GPR89B: variants seen among roughly 807,000 people sequenced by gnomAD.
GPR89B encodes the protein golgi pH regulator B, also known as G protein-coupled receptor 89B.
A neutral mutation model predicts 52.4 loss-of-function variants in GPR89B; 25 were observed. The observed-to-expected ratio is 0.48, with a 90% CI of 0.35 to 0.67. GPR89B has a LOEUF of 0.67. GPR89B is among the 30% of genes least tolerant of loss of function. GPR89B has a pLI of 0.01. For synonymous variants in GPR89B, 52 were observed against 151.2 expected (o/e 0.34, Z 4.81); for missense variants, 146 against 450.2 (o/e 0.32, Z 6.11).
At chr1:147,968,611 A>T (rs1657200975) in intron 8 of GPR89B, 2 of 569,232 alleles carry the variant, frequency 3.5e-6, no homozygotes, top group Non-Finnish European at 6.3e-6. Context: ...AAACAAATGA[A>T]ACTATCTGTT....
At position 147,945,031 on chromosome 1, in the gene GPR89B, CT is replaced by C. The variant is rs587751632; in HGVS notation, c.415+936del. On this transcript the variant is annotated intron_variant, in intron 5 of 13. Coordinates refer to ENST00000314163, the MANE Select transcript of GPR89B (RefSeq NM_016334.5). ...TATACAGTATCAGGCAATTTATAGACTTTCTAGGAAAGTAGGGATGCAAAGC... is the reference window on the plus strand; with the variant it reads ...TATACAGTATCAGGCAATTTATAGACTTCTAGGAAAGTAGGGATGCAAAGC... 3.5e-4 allele frequency among the ~76,000 whole-genome samples: 52 copies of C among 146,496 alleles called. No individual in the cohort carries two copies. In the South Asian group the frequency reaches 0.011, roughly 31 times the overall value.
the GPR89B span, chr1:148,009,473 C>G: frequency 1.9e-6 from 3 of 1,603,488 alleles, no homozygotes; most frequent in Admixed American, 5.1e-5. Context: ...AACCTTGCTC[C>G]TTCTGACTTT....
At chr1:148,020,986 G>C in the GPR89B span, among the ~76,000 whole-genome samples, 2 of 151,756 alleles carry the variant, frequency 1.3e-5, no homozygotes, top group African/African-American at 2.4e-5. Context: ...GGGCCCCGGA[G>C]AGGAATTTAT....
chr1:147,952,970 T>A (rs1321996112), intron 5 of GPR89B, among the ~76,000 whole-genome samples: 1 of 150,968 alleles, frequency 6.6e-6, no homozygotes, highest in Non-Finnish European at 1.5e-5. Flanking sequence ...CTGCTATTTA[T>A]ACTTTTCCAG....
At chr1:147,995,538 G>C, downstream of GPR89B, 1 of 1,565,498 alleles carries the variant, frequency 6.4e-7, no homozygotes. Context: ...TATACTCATA[G>C]GGACTGTACC....
chr1:147,999,557 C>T, the GPR89B span, among the ~76,000 whole-genome samples: 4 of 147,074 alleles, frequency 2.7e-5, no homozygotes, highest in Admixed American at 2.7e-4. Context: ...TGAGATGGCA[C>T]CACTGCACTC....
chr1:148,012,937 G>A, the GPR89B span, among the ~76,000 whole-genome samples: 10 of 152,004 alleles, frequency 6.6e-5, no homozygotes, highest in Admixed American at 1.3e-4. Flanking sequence ...ATAGCAGAAC[G>A]AATTTATTAT....
chr1:148,021,890 G>A, the GPR89B span: 1 of 147,252 alleles, frequency 6.8e-6, no homozygotes, highest in African/African-American at 2.6e-5. Flanking sequence ...TTTCACCCCT[G>A]TTTTCATCTA....
intron 11 of GPR89B, 84 bp downstream of exon 11, chr1:147,986,378 A>T: frequency 6.4e-7 from 1 of 1,561,122 alleles, no homozygotes; most frequent in Middle Eastern, 2.4e-4. Flanking sequence ...TAATTTGTAT[A>T]CTTTAGGTAC....
chr1:147,959,512 G>T (rs1450193874), intron 7 of GPR89B, among the ~76,000 whole-genome samples: 2 of 152,070 alleles, frequency 1.3e-5, no homozygotes, highest in Admixed American at 6.6e-5. Context: ...CAAGTTGATA[G>T]CTTTCTTGCC....
intron 7 of GPR89B, among the ~76,000 whole-genome samples, chr1:147,957,718 T>C (rs1203342950): frequency 6.6e-6 from 1 of 151,866 alleles, no homozygotes; most frequent in African/African-American, 2.4e-5. Flanking sequence ...TTCAACACTT[T>C]TCTATAGTAA....
At chr1:147,949,223 C>CGAAA (rs1430452805) in intron 5 of GPR89B, among the ~76,000 whole-genome samples, 2 of 152,146 alleles carry the variant, frequency 1.3e-5, no homozygotes, top group East Asian at 3.9e-4. Flanking sequence ...CCCCCCTTTC[C>CGAAA]ATTCCACAAA....
the GPR89B span, among the ~76,000 whole-genome samples, chr1:147,998,646 A>G: frequency 6.6e-6 from 1 of 151,634 alleles, no homozygotes; most frequent in Non-Finnish European, 1.5e-5. Flanking sequence ...TTGGGAGTAC[A>G]AGGTGGGCGG....
intron 7 of GPR89B, among the ~76,000 whole-genome samples, chr1:147,963,375 TAAAA>T (rs71077287): frequency 7.1e-6 from 1 of 140,540 alleles, no homozygotes; most frequent in Non-Finnish European, 1.5e-5. Context: ...GACTCCTTCT[TAAAA>T]AAAAAAAAAA....
intron 1 of GPR89B, among the ~76,000 whole-genome samples, chr1:147,931,294 A>T (rs4245683): frequency 2.6e-5 from 4 of 152,122 alleles, no homozygotes; most frequent in African/African-American, 2.4e-5. Flanking sequence ...GTCACTTTTT[A>T]AAAAGCAACT....
intron 10 of GPR89B, among the ~76,000 whole-genome samples, chr1:147,977,376 C>G (rs1370580911): frequency 1.3e-5 from 2 of 151,368 alleles, no homozygotes; most frequent in Non-Finnish European, 2.9e-5. Flanking sequence ...TTCTGGCTGC[C>G]CTTAACATTT....
intron 5 of GPR89B, among the ~76,000 whole-genome samples, chr1:147,949,839 G>A (rs1162279009): frequency 4.2e-5 from 6 of 142,366 alleles, no homozygotes; most frequent in Non-Finnish European, 7.6e-5. Context: ...AGCTTGCCGG[G>A]CAGAGGGGCT....
At chr1:147,978,945 T>C (rs1453862207) in intron 10 of GPR89B, among the ~76,000 whole-genome samples, 19 of 151,260 alleles carry the variant, frequency 1.3e-4, no homozygotes, top group Admixed American at 9.2e-4. Context: ...ACTGAGCATC[T>C]GGGCAGCTCT....
At chr1:147,939,921 GC>G (rs1236855306) in intron 3 of GPR89B, among the ~76,000 whole-genome samples, 1 of 151,644 alleles carries the variant, frequency 6.6e-6, no homozygotes, top group Non-Finnish European at 1.5e-5. Context: ...GATCCCTTGA[GC>G]CCAGGAGTTT....
Sources: allele counts gnomAD v4.1 joint callset (sites outside exome capture counted in the v4.1 genomes callset), GRCh38; gene constraint gnomAD v4.1.1; transcripts MANE v1.5; gene names NCBI Gene and HGNC (gene_info 2026-07-23, HGNC 2026-07-21).